The following SEC24D variants were observed in gnomAD, a reference collection of about 807,000 sequenced individuals.
SEC24D encodes SEC24 homolog D, COPII component.
In SEC24D, 69 loss-of-function variants were observed where a neutral mutation model predicts 116.9. That is an observed-to-expected ratio of 0.59 (90% confidence interval 0.49 to 0.72). SEC24D has a LOEUF of 0.72. Among genes scored for constraint, SEC24D ranks in the 30% least tolerant of loss-of-function variants. The pLI is 0.00. For missense variants in SEC24D, 1,131 were observed against 1,264.1 expected (o/e 0.89, Z 1.60); for synonymous variants, 405 against 442.8 (o/e 0.91, Z 1.07).
rs771398487 is a variant in SEC24D at position 118,763,566 on chromosome 4, G to A, written c.1296+1236C>T. ...GCCCTGTTTCTTCAAGTCTACACAT[G>A]GTGCTTCAGATATGCGCTGAAATCT... On this transcript the variant is annotated intron_variant, in intron 10 of 22. Coordinates refer to ENST00000280551, the MANE Select transcript of SEC24D (RefSeq NM_014822.4). Among the ~76,000 whole-genome samples the A allele has an allele frequency of 4.7e-4, 72 of 152,146 alleles. 4 individuals carry two copies. Among genetic ancestry groups the A allele is most frequent in the Admixed American group, 2.0e-4 (3 of 15,272 alleles).
intron 4 of SEC24D, 82 bp downstream of exon 4, chr4:118,817,181 AT>A (rs1730185892): frequency 8.5e-7 from 1 of 1,182,330 alleles, no homozygotes; most frequent in Non-Finnish European, 1.2e-6. Context: ...AGTTACATCT[AT>A]TTTAAAAATG....
At chr4:118,727,076 C>G (rs972436075) in intron 22 of SEC24D, among the ~76,000 whole-genome samples, 1 of 152,146 alleles carries the variant, frequency 6.6e-6, no homozygotes, top group Non-Finnish European at 1.5e-5. Context: ...TTGTGAGACC[C>G]GGACCAAGCT....
Position 118,835,984 on chromosome 4 carries a change from C to T in SEC24D, c.-85G>A, listed in dbSNP as rs1731080707. Reference sequence around the variant, plus strand: ...CCCGCGGGCTTCCGAGCGCTGGCGGCTCTGCGCCTAGTGCCGGCAGCCCTC... The same window carrying T: ...CCCGCGGGCTTCCGAGCGCTGGCGGTTCTGCGCCTAGTGCCGGCAGCCCTC... On this transcript the variant is annotated 5_prime_UTR_variant, in exon 1 of 23. Coordinates refer to ENST00000280551, the MANE Select transcript of SEC24D (RefSeq NM_014822.4). 6.6e-6 allele frequency: 1 copy of T among 152,320 alleles called. No individual in the cohort carries two copies. Among genetic ancestry groups the T allele is most frequent in the Non-Finnish European group, 1.5e-5 (1 of 68,130 alleles). The allele number at this position is 152,320 out of a possible 1,614,324, so 9.4% of individuals were successfully genotyped here. A position where few individuals can be genotyped will look rare whatever the true frequency, so the allele number is the denominator to read the frequency against.
At chr4:118,806,749 C>T (rs1448385034) in intron 6 of SEC24D, among the ~76,000 whole-genome samples, 3 of 152,032 alleles carry the variant, frequency 2.0e-5, no homozygotes, top group African/African-American at 4.8e-5. Context: ...TTTGGGAGTC[C>T]GAGGCGGGAG....
chr4:118,792,037 T>A (rs191477642), intron 8 of SEC24D, among the ~76,000 whole-genome samples: 2 of 149,918 alleles, frequency 1.3e-5, no homozygotes, highest in African/African-American at 5.0e-5. Context: ...GTCTAGGAAG[T>A]GAGGAGCGTC....
At chr4:118,732,247 G>A (rs1327723328) in intron 20 of SEC24D, among the ~76,000 whole-genome samples, 1 of 152,070 alleles carries the variant, frequency 6.6e-6, no homozygotes. Context: ...CAATTCCCCT[G>A]CCTCAGCCCC....
chr4:118,761,683 A>T (rs1211059481), intron 10 of SEC24D, among the ~76,000 whole-genome samples: 1 of 152,186 alleles, frequency 6.6e-6, no homozygotes, highest in African/African-American at 2.4e-5. Context: ...GGGGGAATAT[A>T]CTCTCTAATT....
At chr4:118,728,299 T>C (rs544642808) in intron 22 of SEC24D, among the ~76,000 whole-genome samples, 213 of 152,342 alleles carry the variant, frequency 1.4e-3, no homozygotes, top group Middle Eastern at 0.014. Context: ...ATGGTACCAA[T>C]TGCTATTAAA....
chr4:118,803,123 T>C (rs1479569429), intron 7 of SEC24D, among the ~76,000 whole-genome samples: 1 of 152,080 alleles, frequency 6.6e-6, no homozygotes, highest in Non-Finnish European at 1.5e-5. Flanking sequence ...GTTTAATGGG[T>C]ACAGAGTTTC....
chr4:118,806,755 G>A (rs568458123), intron 6 of SEC24D, among the ~76,000 whole-genome samples: 3 of 152,288 alleles, frequency 2.0e-5, no homozygotes, highest in Admixed American at 6.5e-5. Context: ...AGTCCGAGGC[G>A]GGAGGACCAC....
intron 14 of SEC24D, among the ~76,000 whole-genome samples, chr4:118,744,375 A>G (rs1726390105): frequency 6.6e-6 from 1 of 152,164 alleles, no homozygotes; most frequent in African/African-American, 2.4e-5. Flanking sequence ...GCTGTGTGAA[A>G]TAATTGTGTG....
At chr4:118,755,002 T>C (rs899330057) in intron 11 of SEC24D, among the ~76,000 whole-genome samples, 1 of 152,170 alleles carries the variant, frequency 6.6e-6, no homozygotes, top group Non-Finnish European at 1.5e-5. Flanking sequence ...CATTTTCAAG[T>C]GACGGGAAAG....
At position 118,797,748 on chromosome 4, in the gene SEC24D, C is replaced by A. The variant is rs376572075; in HGVS notation, c.976G>T (p.Ala326Ser). The A allele has an allele frequency of 5.0e-6, 8 of 1,611,370 alleles. No homozygotes were observed. The highest frequency in any genetic ancestry group is 6.8e-6 in the Non-Finnish European group (8 of 1,178,042). The change falls in exon 8 of 23, where the codon GCT becomes TCT. Residue 326 changes from alanine to serine, a missense_variant. Coordinates refer to ENST00000280551, the MANE Select transcript of SEC24D (RefSeq NM_014822.4). Reference protein sequence around the residue: ...TYCFPCTSDMAKQAQIPLAAV... With the variant: ...TYCFPCTSDMSKQAQIPLAAV... Reference sequence around the variant, plus strand: ...GCTAATGGAATCTGAGCTTGCTTAGCCATATCTGACGTGCATGGAAAACAG... The same window carrying A: ...GCTAATGGAATCTGAGCTTGCTTAGACATATCTGACGTGCATGGAAAACAG...
At chr4:118,768,812 A>T (rs1270282363) in intron 8 of SEC24D, among the ~76,000 whole-genome samples, 1 of 152,198 alleles carries the variant, frequency 6.6e-6, no homozygotes, top group East Asian at 1.9e-4. Context: ...CCCAAACAAA[A>T]GTTAATTTAT....
At chr4:118,789,920 A>G (rs1438152859) in intron 8 of SEC24D, among the ~76,000 whole-genome samples, 1 of 152,170 alleles carries the variant, frequency 6.6e-6, no homozygotes, top group African/African-American at 2.4e-5. Flanking sequence ...GTCCTTATTT[A>G]TTTGTTAAGT....
At chr4:118,809,888 G>A (rs1729831163) in intron 6 of SEC24D, among the ~76,000 whole-genome samples, 2 of 152,206 alleles carry the variant, frequency 1.3e-5, no homozygotes, top group South Asian at 2.1e-4. Context: ...GATGAGCAAT[G>A]AGGACATTAA....
chr4:118,803,121 G>A (rs1729519432), intron 7 of SEC24D, among the ~76,000 whole-genome samples: 1 of 152,124 alleles, frequency 6.6e-6, no homozygotes, highest in Non-Finnish European at 1.5e-5. Context: ...TTGTTTAATG[G>A]GTACAGAGTT....
chr4:118,758,248 T>A (rs908325221), intron 10 of SEC24D, among the ~76,000 whole-genome samples: 1 of 152,180 alleles, frequency 6.6e-6, no homozygotes, highest in African/African-American at 2.4e-5. Flanking sequence ...AGAATACATA[T>A]AATAGTGTTT....
intron 8 of SEC24D, among the ~76,000 whole-genome samples, chr4:118,777,598 T>A (rs1728198459): frequency 6.6e-6 from 1 of 152,236 alleles, no homozygotes; most frequent in Admixed American, 6.5e-5. Context: ...TATAGCAGCA[T>A]GATTTATAAT....
Sources: gnomAD v4.1 joint callset for allele counts (sites outside exome capture counted in the v4.1 genomes callset) on GRCh38, gnomAD v4.1.1 for gene constraint, MANE v1.5 for transcripts, NCBI Gene and HGNC (gene_info 2026-07-23, HGNC 2026-07-21) for gene names.